ZNF385D: variants seen among roughly 807,000 people sequenced by gnomAD.
ZNF385D encodes the protein zinc finger protein 385D, also known as zinc finger protein 659.
A neutral mutation model predicts 35.8 loss-of-function variants in ZNF385D; 15 were observed. The ratio of observed to expected loss-of-function variants is 0.42; its 90% confidence interval spans 0.28 to 0.64. ZNF385D has a LOEUF of 0.64. Among genes scored for constraint, ZNF385D ranks in the 30% least tolerant of loss-of-function variants. The pLI is 0.23. For synonymous variants in ZNF385D, 212 were observed against 186.8 expected, an observed-to-expected ratio of 1.13 and a Z score of -1.10; for missense variants, 474 against 494.6, an observed-to-expected ratio of 0.96 and a Z score of 0.39.
intron 2 of ZNF385D, among the ~76,000 whole-genome samples, chr3:22,198,715 G>A (rs1294251472): frequency 6.6e-6 from 1 of 152,050 alleles, no homozygotes; most frequent in East Asian, 1.9e-4. Flanking sequence ...ATGGCAGGAA[G>A]ACATGGTAAG....
intron 3 of ZNF385D, among the ~76,000 whole-genome samples, chr3:21,864,570 C>T (rs1175339923): frequency 6.6e-6 from 1 of 152,022 alleles, no homozygotes; most frequent in Non-Finnish European, 1.5e-5. Context: ...ATCTTTGGCA[C>T]AGTATGGGTT....
chr3:21,654,522 A>C (rs1017401069), intron 2 of ZNF385D, among the ~76,000 whole-genome samples: 4 of 151,992 alleles, frequency 2.6e-5, no homozygotes, highest in Non-Finnish European at 5.9e-5. Context: ...TAACTGCTTC[A>C]AACTCCCCTT....
intron 2 of ZNF385D, among the ~76,000 whole-genome samples, chr3:21,651,018 G>A (rs1019051570): frequency 6.6e-6 from 1 of 151,764 alleles, no homozygotes; most frequent in Non-Finnish European, 1.5e-5. Context: ...GGTGGCTCAC[G>A]CCTGTAATCC....
At chr3:22,214,117 T>C (rs1028091832) in intron 2 of ZNF385D, among the ~76,000 whole-genome samples, 1 of 152,124 alleles carries the variant, frequency 6.6e-6, no homozygotes, top group Admixed American at 6.6e-5. Context: ...ACATGGATTG[T>C]GAAGATTTCA....
chr3:22,197,492 T>G lies in ZNF385D; in HGVS notation c.107-28457A>C, dbSNP rs572530238. Among the ~76,000 whole-genome samples, 9 of 152,250 alleles carry G rather than the reference T, an allele frequency of 5.9e-5. No individual in the cohort carries two copies. In the East Asian group the frequency reaches 9.7e-4, roughly 16 times the overall value. On this transcript the variant is annotated intron_variant, in intron 2 of 5. Coordinates refer to the ZNF385D transcript ENST00000494108. The stretch of plus-strand genomic sequence containing the variant: ...CATCTATATTTGATTTTGACGTATT[T>G]GTTCAAAATGGTGAAAAATGCTTAT...
intron 4 of ZNF385D, among the ~76,000 whole-genome samples, chr3:21,509,443 T>C (rs1441443164): frequency 6.6e-6 from 1 of 152,162 alleles, no homozygotes; most frequent in Non-Finnish European, 1.5e-5. Context: ...GCCCTCAAAA[T>C]AAAGCAGGTA....
At chr3:21,950,095 T>C (rs1701992581) in intron 3 of ZNF385D, among the ~76,000 whole-genome samples, 1 of 148,976 alleles carries the variant, frequency 6.7e-6, no homozygotes, top group African/African-American at 2.6e-5. Context: ...TTGAGTTAAA[T>C]GGTATTTCTG....
intron 2 of ZNF385D, among the ~76,000 whole-genome samples, chr3:22,253,635 T>G (rs1008172740): frequency 6.6e-6 from 1 of 151,972 alleles, no homozygotes; most frequent in African/African-American, 2.4e-5. Flanking sequence ...TTTTCAGGTT[T>G]AATGCAATTT....
Position 22,145,047 on chromosome 3 carries a change from A to G in ZNF385D, c.325+23770T>C, listed in dbSNP as rs572993722. On this transcript the variant is annotated intron_variant, in intron 3 of 5. Coordinates refer to the ZNF385D transcript ENST00000494108. Reference sequence around the variant, plus strand: ...GTGTGTGTGTGTGTGTGTAGTCACAATTAGTTATCAGTGATACTACATACT... The same window carrying G: ...GTGTGTGTGTGTGTGTGTAGTCACAGTTAGTTATCAGTGATACTACATACT... Among the ~76,000 whole-genome samples the G allele has an allele frequency of 5.1e-3, 742 of 146,298 alleles. 6 individuals carry two copies. Among genetic ancestry groups the G allele is most frequent in the African/African-American group, 0.019 (700 of 37,304 alleles).
At chr3:22,201,886 C>A (rs1179922936) in intron 2 of ZNF385D, among the ~76,000 whole-genome samples, 2 of 151,640 alleles carry the variant, frequency 1.3e-5, no homozygotes, top group African/African-American at 4.8e-5. Flanking sequence ...TAAATATAAT[C>A]AGTTGCCTAC....
chr3:21,844,142 C>T (rs917385673), intron 3 of ZNF385D, among the ~76,000 whole-genome samples: 6 of 151,824 alleles, frequency 4.0e-5, no homozygotes, highest in Non-Finnish European at 7.4e-5. Flanking sequence ...GTAATTTAAC[C>T]TTAAAACAAC....
At chr3:22,278,754 T>A (rs1701562867) in intron 2 of ZNF385D, among the ~76,000 whole-genome samples, 1 of 152,104 alleles carries the variant, frequency 6.6e-6, no homozygotes, top group South Asian at 2.1e-4. Flanking sequence ...GTGTTTTACT[T>A]AAAAAGATGC....
At chr3:21,497,200 A>G (rs1352165026) in intron 4 of ZNF385D, among the ~76,000 whole-genome samples, 1 of 152,126 alleles carries the variant, frequency 6.6e-6, no homozygotes, top group Non-Finnish European at 1.5e-5. Context: ...CTTCAGCAAA[A>G]CTTTGGGATA....
At chr3:22,281,338 C>T (rs1701728952) in intron 2 of ZNF385D, among the ~76,000 whole-genome samples, 1 of 152,072 alleles carries the variant, frequency 6.6e-6, no homozygotes, top group African/African-American at 2.4e-5. Context: ...ATGCTCTCAA[C>T]TTTTCCCCAC....
intron 1 of ZNF385D, among the ~76,000 whole-genome samples, chr3:21,697,218 T>G (rs2067501924): frequency 6.6e-6 from 1 of 152,160 alleles, no homozygotes; most frequent in Admixed American, 6.5e-5. Flanking sequence ...AAAAAAGATT[T>G]GAGTGCTTAC....
Position 21,668,504 on chromosome 3 carries a change from A to G in ZNF385D, c.23-3476T>C, listed in dbSNP as rs368783636. Among the ~76,000 whole-genome samples the G allele has an allele frequency of 5.9e-5, 9 of 152,282 alleles. No homozygotes were observed. In the East Asian group the frequency reaches 1.2e-3, roughly 20 times the overall value. On this transcript the variant is annotated intron_variant, in intron 1 of 7. Transcript: ENST00000281523. ...AGTCTCAGAGCTCACTTTCAGAATA[A>G]CTTGATCTGTGACACCAGGATACAG...
At chr3:21,497,398 A>G (rs1388861850) in intron 4 of ZNF385D, among the ~76,000 whole-genome samples, 1 of 152,212 alleles carries the variant, frequency 6.6e-6, no homozygotes, top group African/African-American at 2.4e-5. Context: ...AATATAGGTG[A>G]GACAAACAAA....
chr3:22,327,718 G>A (rs1694743253), intron 2 of ZNF385D, among the ~76,000 whole-genome samples: 1 of 152,288 alleles, frequency 6.6e-6, no homozygotes. Flanking sequence ...TGAAGAGGGT[G>A]ATGTGTATTT....
At chr3:22,297,164 G>T (rs572100859) in intron 2 of ZNF385D, among the ~76,000 whole-genome samples, 1 of 152,008 alleles carries the variant, frequency 6.6e-6, no homozygotes, top group East Asian at 1.9e-4. Context: ...GAATATGGTG[G>T]TACAGAAAGA....
Sources: gnomAD v4.1 joint callset for allele counts (sites outside exome capture counted in the v4.1 genomes callset) on GRCh38, gnomAD v4.1.1 for gene constraint, MANE v1.5 for transcripts, NCBI Gene and HGNC (gene_info 2026-07-23, HGNC 2026-07-21) for gene names.